ANO6: variants seen among roughly 807,000 people sequenced by gnomAD.
ANO6 encodes anoctamin-6.
A neutral mutation model predicts 117.5 loss-of-function variants in ANO6; 106 were observed. The observed-to-expected ratio is 0.90, with a 90% CI of 0.77 to 1.06. The LOEUF (loss-of-function observed/expected upper bound fraction) is 1.06. Among genes scored for constraint, ANO6 ranks in the 50% least tolerant of loss-of-function variants. The pLI is 0.00. For missense variants in ANO6, 955 were observed against 1,121.1 expected (o/e 0.85, Z 2.12); for synonymous variants, 367 against 385.1 (o/e 0.95, Z 0.55).
At chr12:45,232,146 G>T (rs926858292) in intron 1 of ANO6, among the ~76,000 whole-genome samples, 3 of 152,166 alleles carry the variant, frequency 2.0e-5, no homozygotes, top group Non-Finnish European at 4.4e-5. Flanking sequence ...GTATATTTAA[G>T]GTGTAGAGAT....
intron 1 of ANO6, among the ~76,000 whole-genome samples, chr12:45,283,724 C>G (rs1446934140): frequency 6.6e-6 from 1 of 152,154 alleles, no homozygotes; most frequent in Admixed American, 6.5e-5. Context: ...AGACAGGACT[C>G]GTAGTCTAAG....
Position 45,305,370 on chromosome 12 carries a change from A to T in ANO6, c.150+3277A>T, listed in dbSNP as rs555419262. ...CTGTTTTATAACTCGTTTCATTAACATTTTATCTTGAACGTTTTCCCACAC... is the reference window on the plus strand; with the variant it reads ...CTGTTTTATAACTCGTTTCATTAACTTTTTATCTTGAACGTTTTCCCACAC... On this transcript the variant is annotated intron_variant, in intron 2 of 19. Coordinates refer to ENST00000320560, the MANE Select transcript of ANO6 (RefSeq NM_001025356.3). 1.1e-4 allele frequency among the ~76,000 whole-genome samples: 17 copies of T among 152,306 alleles called. No individual in the cohort carries two copies. In the South Asian group the frequency reaches 3.5e-3, roughly 32 times the overall value.
downstream of ANO6, among the ~76,000 whole-genome samples, chr12:45,434,721 G>GA (rs1249557796): frequency 6.6e-6 from 1 of 152,068 alleles, no homozygotes; most frequent in African/African-American, 2.4e-5. Context: ...GTATAACTAA[G>GA]AAAAAATATT....
chr12:45,266,805 A>AGTGTGT (rs57682251), intron 1 of ANO6, among the ~76,000 whole-genome samples: 6,051 of 145,686 alleles, frequency 0.042, 220 homozygotes, highest in African/African-American at 0.099. Flanking sequence ...TCAAAAAACA[A>AGTGTGT]GTGTGTGTGT....
At chr12:45,326,687 A>G (rs939444100) in intron 2 of ANO6, among the ~76,000 whole-genome samples, 2 of 152,126 alleles carry the variant, frequency 1.3e-5, no homozygotes, top group Admixed American at 1.3e-4. Context: ...CACTGTATAC[A>G]TCATTTCCTA....
chr12:45,381,167 C>T (rs1165759572), intron 10 of ANO6, among the ~76,000 whole-genome samples: 3 of 152,220 alleles, frequency 2.0e-5, no homozygotes, highest in Admixed American at 6.5e-5. Context: ...CACTTTACTG[C>T]TCTGAAACCT....
intron 1 of ANO6, among the ~76,000 whole-genome samples, chr12:45,223,764 A>G (rs1004141789): frequency 4.6e-5 from 7 of 152,156 alleles, no homozygotes; most frequent in African/African-American, 9.7e-5. Flanking sequence ...AATTTTTAAG[A>G]GTTGTCTCTT....
chr12:45,425,877 A>G (rs1337760816), intron 19 of ANO6, among the ~76,000 whole-genome samples: 2 of 152,214 alleles, frequency 1.3e-5, no homozygotes, highest in Non-Finnish European at 2.9e-5. Flanking sequence ...AAGATGTGTA[A>G]AGTGAGATGA....
intron 1 of ANO6, among the ~76,000 whole-genome samples, chr12:45,246,981 G>C (rs887981734): frequency 6.6e-6 from 1 of 151,966 alleles, no homozygotes; most frequent in African/African-American, 2.4e-5. Flanking sequence ...GCCCAGGCTG[G>C]AGTGCAGTGG....
At chr12:45,288,056 C>T (rs1186936033) in intron 1 of ANO6, among the ~76,000 whole-genome samples, 3 of 152,126 alleles carry the variant, frequency 2.0e-5, no homozygotes, top group East Asian at 1.9e-4. Context: ...GTCAGATGGT[C>T]GTTATGGACT....
chr12:45,275,366 C>T (rs936582756), intron 1 of ANO6, among the ~76,000 whole-genome samples: 1 of 152,118 alleles, frequency 6.6e-6, no homozygotes, highest in Non-Finnish European at 1.5e-5. Flanking sequence ...CCCGCCCCCA[C>T]ACCTGGCTAA....
chr12:45,422,793 C>T (rs370232433), intron 18 of ANO6, among the ~76,000 whole-genome samples, 164 bp from the exon 19 acceptor site: 1 of 151,978 alleles, frequency 6.6e-6, no homozygotes, highest in African/African-American at 2.4e-5. Flanking sequence ...AGGCTGGTGT[C>T]GCACTCCTGG....
intron 2 of ANO6, among the ~76,000 whole-genome samples, chr12:45,318,666 C>T (rs933322984): frequency 2.0e-5 from 3 of 152,190 alleles, no homozygotes; most frequent in African/African-American, 7.2e-5. Context: ...TGAAGAAAGT[C>T]ATTGGTAGCT....
chr12:45,324,776 C>T (rs143787972), intron 2 of ANO6, among the ~76,000 whole-genome samples: 1 of 152,296 alleles, frequency 6.6e-6, no homozygotes, highest in African/African-American at 2.4e-5. Context: ...GAACCCAAGA[C>T]TTCCTACTTT....
At position 45,430,556 on chromosome 12, in the gene ANO6, T is replaced by C. The variant is rs1943607682; in HGVS notation, c.*1245T>C. 1 of 985,314 alleles carries C rather than the reference T, an allele frequency of 1.0e-6. No individual in the cohort carries two copies. Among genetic ancestry groups the C allele is most frequent in the Non-Finnish European group, 1.2e-6 (1 of 829,928 alleles). The allele number at this position is 985,314 out of a possible 1,614,324, so 61.0% of individuals were successfully genotyped here. The stretch of plus-strand genomic sequence containing the variant: ...TCTGATTGTACTAGAGACAGGAGTA[T>C]ACCCAGCTTATTCATAATCAAGTAA... On this transcript the variant is annotated 3_prime_UTR_variant, in exon 20 of 20. Coordinates refer to ENST00000320560, the MANE Select transcript of ANO6 (RefSeq NM_001025356.3).
At chr12:45,260,016 T>G (rs1265306085) in intron 1 of ANO6, among the ~76,000 whole-genome samples, 1 of 152,250 alleles carries the variant, frequency 6.6e-6, no homozygotes, top group African/African-American at 2.4e-5. Context: ...CTTTGCCCTC[T>G]GTGCAGCTGT....
intron 8 of ANO6, among the ~76,000 whole-genome samples, chr12:45,361,912 G>C (rs1941565440): frequency 1.3e-5 from 2 of 151,998 alleles, no homozygotes; most frequent in Non-Finnish European, 2.9e-5. Flanking sequence ...TTTTATTGAA[G>C]ATTTTTCCAT....
chr12:45,319,148 C>G (rs1055303481), intron 2 of ANO6, among the ~76,000 whole-genome samples: 9 of 152,182 alleles, frequency 5.9e-5, no homozygotes, highest in African/African-American at 1.9e-4. Context: ...ACTTCCAACA[C>G]TATGTCGAAT....
At chr12:45,438,793 G>C (rs895308000) in intron 19 of ANO6, among the ~76,000 whole-genome samples, 2 of 152,110 alleles carry the variant, frequency 1.3e-5, no homozygotes, top group African/African-American at 2.4e-5. Context: ...GTCATCTAGA[G>C]GCCCACTGCA....
Sources: gnomAD v4.1 joint callset for allele counts (sites outside exome capture counted in the v4.1 genomes callset) on GRCh38, gnomAD v4.1.1 for gene constraint, MANE v1.5 for transcripts, NCBI Gene and HGNC (gene_info 2026-07-23, HGNC 2026-07-21) for gene names.